CSMD1: variants seen among roughly 807,000 people sequenced by gnomAD.
CSMD1 encodes the protein CUB and sushi domain-containing protein 1.
CSMD1 carries 213 observed loss-of-function variants against 417.5 expected under a neutral mutation model. The ratio of observed to expected loss-of-function variants is 0.51; its 90% CI spans 0.46 to 0.57. The LOEUF (loss-of-function observed/expected upper bound fraction) is 0.57. Ranked by LOEUF, CSMD1 falls within the 20% of genes least tolerant of loss-of-function variation. The pLI is 0.00. For missense variants in CSMD1, 6,923 were observed against 4,529.7 expected, an observed-to-expected ratio of 1.53 and a Z score of -15.17; for synonymous variants, 2,862 against 1,736.8, an observed-to-expected ratio of 1.65 and a Z score of -16.11.
chr8:4,212,743 GC>G (rs1800393053), intron 3 of CSMD1, among the ~76,000 whole-genome samples: 1 of 123,678 alleles, frequency 8.1e-6, no homozygotes, highest in Non-Finnish European at 1.5e-5. Flanking sequence ...TACAACAGCG[GC>G]CTTATTCTTT....
At chr8:3,703,269 T>A (rs1231414570) in intron 7 of CSMD1, among the ~76,000 whole-genome samples, 1 of 152,188 alleles carries the variant, frequency 6.6e-6, no homozygotes, top group East Asian at 1.9e-4. Flanking sequence ...GTTTTGTGCA[T>A]GTTAATGATG....
At chr8:3,916,473 T>C (rs923630465) in intron 5 of CSMD1, among the ~76,000 whole-genome samples, 1 of 152,156 alleles carries the variant, frequency 6.6e-6, no homozygotes, top group Non-Finnish European at 1.5e-5. Context: ...CATAAAGGCT[T>C]GTTAGCTTGA....
At chr8:4,792,886 T>C (rs563232311) in intron 1 of CSMD1, among the ~76,000 whole-genome samples, 1 of 152,190 alleles carries the variant, frequency 6.6e-6, no homozygotes, top group Admixed American at 6.5e-5. Context: ...TTTTGTGCTC[T>C]CTGCCAGCAC....
At chr8:4,145,449 A>T (rs553645715) in intron 3 of CSMD1, among the ~76,000 whole-genome samples, 1 of 151,310 alleles carries the variant, frequency 6.6e-6, no homozygotes, top group African/African-American at 2.5e-5. Flanking sequence ...AGGTTACTAT[A>T]TATTTTTTGT....
At chr8:3,971,821 T>G (rs1456994041) in intron 5 of CSMD1, among the ~76,000 whole-genome samples, 1 of 152,220 alleles carries the variant, frequency 6.6e-6, no homozygotes, top group Non-Finnish European at 1.5e-5. Flanking sequence ...CTCTGTCTGT[T>G]GCATGAATTA....
At chr8:4,088,378 G>A (rs77994750) in intron 3 of CSMD1, among the ~76,000 whole-genome samples, 2 of 152,188 alleles carry the variant, frequency 1.3e-5, no homozygotes, top group Non-Finnish European at 2.9e-5. Flanking sequence ...ACTTTTGCGG[G>A]AAAGAGCTTT....
intron 1 of CSMD1, among the ~76,000 whole-genome samples, chr8:4,769,202 G>A (rs1026432706): frequency 6.6e-6 from 1 of 152,078 alleles, no homozygotes; most frequent in South Asian, 2.1e-4. Context: ...CATACCTCAT[G>A]GCTTTATAGA....
intron 3 of CSMD1, among the ~76,000 whole-genome samples, chr8:4,388,804 C>T (rs1315344813): frequency 2.0e-5 from 3 of 152,218 alleles, no homozygotes. Context: ...CCCAGTACCT[C>T]TGGACCCAGC....
intron 26 of CSMD1, among the ~76,000 whole-genome samples, chr8:3,262,200 T>G (rs1286660312): frequency 1.2e-5 from 1 of 86,096 alleles, no homozygotes; most frequent in African/African-American, 4.0e-5. Context: ...TATATATATA[T>G]ATATATATAT....
In CSMD1 at chr8:3,670,797, T is replaced by C. The variant is rs1250474947; in HGVS notation, c.1009+37617A>G. Among the ~76,000 whole-genome samples the C allele has an allele frequency of 2.0e-5, 3 of 150,538 alleles. No homozygotes were observed. In the Admixed American group the frequency reaches 2.0e-4, roughly 10 times the overall value. Reference sequence around the variant, plus strand: ...TAAGTATACGGGATATACATGTATATGGGATATATATGTATATGGGATATA... The same window carrying C: ...TAAGTATACGGGATATACATGTATACGGGATATATATGTATATGGGATATA... On this transcript the variant is annotated intron_variant, in intron 7 of 69. Coordinates refer to ENST00000635120, the MANE Select transcript of CSMD1 (RefSeq NM_033225.6).
intron 5 of CSMD1, among the ~76,000 whole-genome samples, chr8:3,871,920 C>A (rs1301313260): frequency 1.3e-5 from 2 of 152,118 alleles, no homozygotes; most frequent in African/African-American, 2.4e-5. Context: ...ATTAACGTAG[C>A]CCTAATCTTC....
At chr8:4,755,653 T>A (rs577016456) in intron 1 of CSMD1, among the ~76,000 whole-genome samples, 1 of 152,222 alleles carries the variant, frequency 6.6e-6, no homozygotes, top group Non-Finnish European at 1.5e-5. Flanking sequence ...CAAACACATC[T>A]GTCAATGGCA....
At chr8:4,430,151 T>C (rs1797790953) in intron 2 of CSMD1, among the ~76,000 whole-genome samples, 1 of 152,206 alleles carries the variant, frequency 6.6e-6, no homozygotes, top group Admixed American at 6.5e-5. Context: ...AGCAAATCTA[T>C]GTCAGAATCT....
intron 25 of CSMD1, among the ~76,000 whole-genome samples, chr8:3,292,943 A>C (rs1253331568): frequency 1.3e-5 from 2 of 151,840 alleles, no homozygotes; most frequent in African/African-American, 2.4e-5. Context: ...ACATTTTGGC[A>C]TGATTTTGCA....
At chr8:3,321,493 T>C (rs963251928) in intron 23 of CSMD1, among the ~76,000 whole-genome samples, 1 of 152,196 alleles carries the variant, frequency 6.6e-6, no homozygotes, top group South Asian at 2.1e-4. Context: ...ACAGGTGCTC[T>C]GCGTGTATCT....
At chr8:3,370,518 G>T (rs575752821) in intron 18 of CSMD1, among the ~76,000 whole-genome samples, 88 of 152,318 alleles carry the variant, frequency 5.8e-4, no homozygotes, top group African/African-American at 2.1e-3. Flanking sequence ...GTGCCAGTGT[G>T]ACTGGGCTAA....
chr8:4,267,746 G>A (rs1427637795), intron 3 of CSMD1, among the ~76,000 whole-genome samples: 2 of 152,000 alleles, frequency 1.3e-5, no homozygotes, highest in Non-Finnish European at 1.5e-5. Context: ...AAATTGTAAG[G>A]TGCCACTCTT....
chr8:4,505,951 A>G (rs1225151013), intron 2 of CSMD1, among the ~76,000 whole-genome samples: 1 of 151,958 alleles, frequency 6.6e-6, no homozygotes, highest in Non-Finnish European at 1.5e-5. Flanking sequence ...GGTGCATGTC[A>G]CCACGCCTGG....
chr8:3,852,704 T>A (rs1803998993), intron 5 of CSMD1, among the ~76,000 whole-genome samples: 1 of 151,948 alleles, frequency 6.6e-6, no homozygotes, highest in South Asian at 2.1e-4. Context: ...CTTTGGAGGC[T>A]GTGAGGGACG....
Sources: allele counts gnomAD v4.1 joint callset (sites outside exome capture counted in the v4.1 genomes callset), GRCh38; gene constraint gnomAD v4.1.1; transcripts MANE v1.5; gene names NCBI Gene and HGNC (gene_info 2026-07-23, HGNC 2026-07-21).